IQCE: variants seen among roughly 807,000 people sequenced by gnomAD.
IQCE encodes IQ domain-containing protein E.
A neutral mutation model predicts 96.0 loss-of-function variants in IQCE; 115 were observed. The observed-to-expected ratio is 1.20, with a 90% confidence interval of 1.03 to 1.40. The LOEUF is 1.40. IQCE is among the 40% of genes most tolerant of loss of function. IQCE has a pLI of 0.00. For missense variants in IQCE, 1,041 were observed against 909.1 expected, an observed-to-expected ratio of 1.15 and a Z score of -1.87; for synonymous variants, 412 against 371.2, an observed-to-expected ratio of 1.11 and a Z score of -1.26.
intron 8 of IQCE, among the ~76,000 whole-genome samples, chr7:2,582,243 T>G (rs1782730911): frequency 1.3e-5 from 2 of 152,176 alleles, no homozygotes; most frequent in Non-Finnish European, 2.9e-5. Flanking sequence ...GTGATGGGGC[T>G]GCTTCTTTTA....
intron 15 of IQCE, among the ~76,000 whole-genome samples, chr7:2,594,035 G>A (rs1441709003): frequency 6.6e-6 from 1 of 152,190 alleles, no homozygotes; most frequent in African/African-American, 2.4e-5. Context: ...GCCGAGGCGG[G>A]CAGATCGTGA....
intron 1 of IQCE, among the ~76,000 whole-genome samples, chr7:2,561,490 G>T (rs1251594151): frequency 7.4e-5 from 11 of 147,894 alleles, no homozygotes; most frequent in African/African-American, 7.5e-5. Context: ...GCGCGATCTC[G>T]GCTCACTGCA....
chr7:2,582,630 G>A lies in IQCE; in HGVS notation c.681G>A (p.Lys227=). The A allele has an allele frequency of 1.2e-6, 2 of 1,614,034 alleles. No homozygotes were observed. The highest frequency in any genetic ancestry group is 1.1e-5 in the South Asian group (1 of 91,060). The part of the protein sequence containing the change: ...QRILKLEQQC[K]EKDGTISKLQ... ...TCCTGAAGCTGGAACAGCAGTGCAA[G>A]GAGAAGGACGGCACCATCAGGTGGG... Residue 227 remains lysine (K), a synonymous_variant, in exon 9 of 22, where the codon AAG becomes AAA. Coordinates refer to ENST00000402050, the MANE Select transcript of IQCE (RefSeq NM_152558.5).
At chr7:2,580,093 T>A (rs73291683) in intron 8 of IQCE, 1 of 152,116 alleles carries the variant, frequency 6.6e-6, no homozygotes, top group Non-Finnish European at 1.5e-5. Context: ...CATTATCATA[T>A]GGCAAATTGT....
At chr7:2,586,416 AGGGAATGG>A (rs1783119444) in intron 12 of IQCE, 45 bp downstream of exon 12, 4 of 1,556,754 alleles carry the variant, frequency 2.6e-6, no homozygotes, top group Non-Finnish European at 3.5e-6. Context: ...AGGGAATGGC[AGGGAATGG>A]CAGGGCATGG....
rs1562684774 is a variant in IQCE, at chr7:2,606,184, G to A, written c.1865+187G>A. Among the ~76,000 whole-genome samples the A allele has an allele frequency of 3.3e-5, 5 of 152,226 alleles. No homozygotes were observed. The South Asian group carries it at 6.2e-4, about 19-fold the overall frequency. ...TCCTGAGGACTCCCTGCTGCACCACGGACGTGGAGTGGGCTGGAAGGTGTG... is the reference window on the plus strand; with the variant it reads ...TCCTGAGGACTCCCTGCTGCACCACAGACGTGGAGTGGGCTGGAAGGTGTG... On this transcript the variant is annotated intron_variant, in intron 20 of 21. Transcript: ENST00000402050.
intron 19 of IQCE, among the ~76,000 whole-genome samples, chr7:2,605,670 A>G (rs1784762411): frequency 6.6e-6 from 1 of 151,990 alleles, no homozygotes; most frequent in Non-Finnish European, 1.5e-5. Flanking sequence ...ATAAATAGAT[A>G]AATAAGAATC....
At chr7:2,564,081 G>C (rs1246593614) in intron 1 of IQCE, among the ~76,000 whole-genome samples, 1 of 151,064 alleles carries the variant, frequency 6.6e-6, no homozygotes, top group Non-Finnish European at 1.5e-5. Context: ...ACATGGTGGT[G>C]CACACCTGTA....
At chr7:2,606,214 T>A (rs1372495304) in intron 20 of IQCE, among the ~76,000 whole-genome samples, 1 of 152,122 alleles carries the variant, frequency 6.6e-6, no homozygotes, top group Non-Finnish European at 1.5e-5. Flanking sequence ...GGTGTGATCC[T>A]CGGGGGAGGC....
rs1358528331 is a variant in IQCE at position 2,610,228 on chromosome 7, A to G, written c.*66A>G. 1.4e-5 allele frequency: 13 copies of G among 935,134 alleles called. No individual in the cohort carries two copies. The allele number at this position is 935,134 out of a possible 1,614,324, so 57.9% of individuals were successfully genotyped here. On this transcript the variant is annotated 3_prime_UTR_variant, in exon 22 of 22. Coordinates refer to ENST00000402050, the MANE Select transcript of IQCE (RefSeq NM_152558.5). The stretch of plus-strand genomic sequence containing the variant: ...GAGGACATAGGAACCACGACTGGAA[A>G]GATAATTTATCGTGTTAGGAGAAGA...
chr7:2,597,324 G>A (rs535837237), intron 16 of IQCE, among the ~76,000 whole-genome samples: 9 of 152,364 alleles, frequency 5.9e-5, no homozygotes, highest in East Asian at 5.8e-4. Context: ...TTAGCTGCTC[G>A]CATAGGATGG....
In IQCE at chr7:2,589,979, G is replaced by C; in HGVS notation, c.1117G>C (p.Ala373Pro). 1 of 1,613,982 alleles carries C rather than the reference G, an allele frequency of 6.2e-7. No homozygotes were observed. The highest frequency in any genetic ancestry group is 1.1e-5 in the South Asian group (1 of 91,092). The change falls in exon 14 of 22, where the codon GCA (alanine) becomes CCA (proline). Residue 373 changes from alanine to proline, a missense_variant. Transcript: ENST00000402050. ...CAGATCACACCCGCCAGCCTGCCTT[G>C]CATCCAGCTCTGCGCTGCACAGACA... ...PVRSHPPACLASSSALHRQPR... is the reference protein window; with the variant it reads ...PVRSHPPACLPSSSALHRQPR...
At chr7:2,578,630 C>G (rs1235820372) in intron 8 of IQCE, 104 bp downstream of exon 8, 80 of 1,285,386 alleles carry the variant, frequency 6.2e-5, no homozygotes, top group Non-Finnish European at 8.8e-5. Flanking sequence ...TGAAGAGCAG[C>G]AGGCAGGGGG....
chr7:2,594,826 T>G, intron 15 of IQCE, 60 bp from the exon 16 acceptor site: 4 of 1,206,338 alleles, frequency 3.3e-6, no homozygotes, highest in African/African-American at 1.5e-5. Context: ...CCCTGCCCTG[T>G]GCCGGCCTTC....
intron 8 of IQCE, among the ~76,000 whole-genome samples, chr7:2,581,274 C>T (rs1038149350): frequency 3.3e-5 from 5 of 151,980 alleles, no homozygotes; most frequent in Admixed American, 2.6e-4. Flanking sequence ...GGCGAGATCT[C>T]GACTCACTGC....
Position 2,559,086 on chromosome 7 carries a change from G to C in IQCE, c.-96G>C. On this transcript the variant is annotated 5_prime_UTR_variant, in exon 1 of 22. Coordinates refer to ENST00000402050, the MANE Select transcript of IQCE (RefSeq NM_152558.5). Reference sequence around the variant, plus strand: ...GGGTCGCGGGCCGGCGCCAGGGAAGGCCCCGAGGCTGCGGGCGGCCAGGGC... The same window carrying C: ...GGGTCGCGGGCCGGCGCCAGGGAAGCCCCCGAGGCTGCGGGCGGCCAGGGC... The C allele has an allele frequency of 2.9e-6, 2 of 692,718 alleles. No individual in the cohort carries two copies. The highest frequency in any genetic ancestry group is 3.9e-6 in the Non-Finnish European group (2 of 506,634). 42.9% of individuals were successfully genotyped at this position (692,718 alleles called of 1,614,324 possible). A position where few individuals can be genotyped will look rare whatever the true frequency, so the allele number is the denominator to read the frequency against.
chr7:2,603,560 G>A (rs564024461), intron 18 of IQCE, among the ~76,000 whole-genome samples: 28 of 152,310 alleles, frequency 1.8e-4, no homozygotes, highest in East Asian at 1.2e-3. Flanking sequence ...TGTGGTGAGC[G>A]TGGGGTTTGC....
At chr7:2,585,842 C>G (rs1347152632) in intron 11 of IQCE, among the ~76,000 whole-genome samples, 1 of 152,202 alleles carries the variant, frequency 6.6e-6, no homozygotes. Context: ...TGAGGATCGA[C>G]TGTACTTTAC....
chr7:2,607,193 C>G lies in IQCE; in HGVS notation c.1935C>G (p.Asp645Glu), dbSNP rs150273271. 3.7e-6 allele frequency: 6 copies of G among 1,613,656 alleles called. No homozygotes were observed. Among genetic ancestry groups the G allele is most frequent in the Non-Finnish European group, 5.1e-6 (6 of 1,179,782 alleles). Residue 645 changes from aspartate to glutamate, a missense_variant, in exon 21 of 22, where the codon GAC becomes GAG. By Grantham distance (45) the Asp-to-Glu change is conservative (BLOSUM62 2). Transcript: ENST00000402050. The part of the protein sequence containing the change: ...RRRSASATHG[D>E]ASSPPFLAAL... ...GATCGGCTTCAGCCACACACGGGGA[C>G]GCCTCCTCCCCACCCTTCCTCGCAG...
Sources: allele counts gnomAD v4.1 joint callset (sites outside exome capture counted in the v4.1 genomes callset), GRCh38; gene constraint gnomAD v4.1.1; transcripts MANE v1.5; gene names NCBI Gene and HGNC (gene_info 2026-07-23, HGNC 2026-07-21).